Variants in DACH1 observed in about 807,000 individuals in gnomAD.
The protein encoded by DACH1 is dachshund family transcription factor 1.
A neutral mutation model predicts 54.2 loss-of-function variants in DACH1; 12 were observed. The ratio of observed to expected loss-of-function variants is 0.22; its 90% CI spans 0.14 to 0.36. The LOEUF (loss-of-function observed/expected upper bound fraction) is 0.36. Among genes scored for constraint, DACH1 ranks in the 10% least tolerant of loss-of-function variants. The pLI, the probability that DACH1 is intolerant of heterozygous loss-of-function variation, is 1.00. For synonymous variants in DACH1, 386 were observed against 366.2 expected (o/e 1.05, Z -0.62); for missense variants, 805 against 929.8 (o/e 0.87, Z 1.75).
At chr13:71,635,937 G>T (rs1161294719) in intron 2 of DACH1, among the ~76,000 whole-genome samples, 2 of 151,810 alleles carry the variant, frequency 1.3e-5, no homozygotes, top group African/African-American at 2.4e-5. Flanking sequence ...AACACCACCA[G>T]GTCTGGCTAA....
intron 10 of DACH1, among the ~76,000 whole-genome samples, chr13:71,451,993 T>C (rs1875102050): frequency 6.6e-6 from 1 of 152,228 alleles, no homozygotes; most frequent in East Asian, 1.9e-4. Context: ...GAAAATATTA[T>C]ATAGACAGAG....
chr13:71,519,346 G>T lies in DACH1; in HGVS notation c.1571-30198C>A, dbSNP rs189426038. On this transcript the variant is annotated intron_variant, in intron 6 of 10. Coordinates refer to ENST00000613252, the MANE Select transcript of DACH1 (RefSeq NM_080759.6). ...AAACTTTCAAACAAATCACAAGTGA[G>T]TTTTTGGCACCTAATCTGTTGGTAA... Among the ~76,000 whole-genome samples, 309 of 151,886 alleles carry T rather than the reference G, an allele frequency of 2.0e-3. 1 individual carries two copies. The highest frequency in any genetic ancestry group is 3.0e-3 in the Admixed American group (46 of 15,190).
chr13:71,645,513 G>A (rs1472333484), intron 2 of DACH1, among the ~76,000 whole-genome samples: 1 of 152,138 alleles, frequency 6.6e-6, no homozygotes, highest in Non-Finnish European at 1.5e-5. Context: ...AGTAACAAAA[G>A]CAGGTATCTC....
chr13:71,816,878 T>C (rs1382468810), intron 1 of DACH1, among the ~76,000 whole-genome samples: 1 of 151,610 alleles, frequency 6.6e-6, no homozygotes, highest in African/African-American at 2.4e-5. Flanking sequence ...CATGGACACA[T>C]AGAGGGAAAC....
chr13:71,466,360 C>T (rs1241001481), intron 10 of DACH1, among the ~76,000 whole-genome samples: 2 of 152,134 alleles, frequency 1.3e-5, no homozygotes, highest in African/African-American at 4.8e-5. Flanking sequence ...TTTATGCTAA[C>T]AAGACATTTA....
At chr13:71,497,603 A>G (rs1036881172) in intron 6 of DACH1, among the ~76,000 whole-genome samples, 1 of 152,048 alleles carries the variant, frequency 6.6e-6, no homozygotes. Context: ...AAGTGCTGGG[A>G]TTACAGGCGT....
chr13:71,848,725 A>C (rs956108148), intron 1 of DACH1, among the ~76,000 whole-genome samples: 1 of 151,950 alleles, frequency 6.6e-6, no homozygotes, highest in Non-Finnish European at 1.5e-5. Flanking sequence ...GGTTCTCACT[A>C]TGTTGCCCAG....
intron 6 of DACH1, among the ~76,000 whole-genome samples, chr13:71,496,277 A>G (rs1879411245): frequency 1.8e-5 from 2 of 108,368 alleles, no homozygotes; most frequent in Admixed American, 1.9e-4. Flanking sequence ...ATATATATAT[A>G]TATATATATA....
At chr13:71,499,122 C>T (rs564508322) in intron 6 of DACH1, among the ~76,000 whole-genome samples, 1 of 84,498 alleles carries the variant, frequency 1.2e-5, no homozygotes, top group African/African-American at 3.5e-5. Flanking sequence ...CACACACACA[C>T]ACACACACAC....
Position 71,439,591 on chromosome 13 carries a change from T to C in DACH1, c.*1064A>G, listed in dbSNP as rs555202307. ...CACAATCCATTCCCAATAGTGCAGC[T>C]TGGGGCACTAGCTAGGGTTCAATAT... is the stretch of plus-strand genomic sequence containing the variant. On this transcript the variant is annotated 3_prime_UTR_variant, in exon 11 of 11. Transcript: ENST00000613252. The C allele has an allele frequency of 3.3e-5, 5 of 152,552 alleles. No homozygotes were observed. Among genetic ancestry groups the C allele is most frequent in the African/African-American group, 7.2e-5 (3 of 41,560 alleles). 9.4% of individuals were successfully genotyped at this position (152,552 alleles called of 1,614,324 possible).
intron 6 of DACH1, among the ~76,000 whole-genome samples, chr13:71,556,082 C>G (rs1273085312): frequency 1.3e-5 from 2 of 152,006 alleles, no homozygotes; most frequent in African/African-American, 2.4e-5. Context: ...TGTGAGTAGT[C>G]TTTTTGGTGG....
At position 71,865,941 on chromosome 13, in the gene DACH1, T is replaced by C; in HGVS notation, c.829A>G (p.Asn277Asp). Reference sequence around the variant, plus strand: ...ACTCACCTTGCGTTGGTGCAGTCATTGTAGAGGGTCTCGAAGTCCTTCCTG... The same window carrying C: ...ACTCACCTTGCGTTGGTGCAGTCATCGTAGAGGGTCTCGAAGTCCTTCCTG... ...ISRKDFETLY[N>D]DCTNASSRPG... Residue 277 changes from asparagine to aspartate, a missense_variant, in exon 1 of 11, where the codon AAT (asparagine) becomes GAT (aspartate). Coordinates refer to ENST00000613252, the MANE Select transcript of DACH1 (RefSeq NM_080759.6). 3 of 1,613,058 alleles carry C rather than the reference T, an allele frequency of 1.9e-6. No individual in the cohort carries two copies. The highest frequency in any genetic ancestry group is 2.5e-6 in the Non-Finnish European group (3 of 1,179,550).
At chr13:71,822,046 C>T (rs147673616) in intron 1 of DACH1, among the ~76,000 whole-genome samples, 11 of 151,930 alleles carry the variant, frequency 7.2e-5, no homozygotes, top group Non-Finnish European at 5.9e-5. Flanking sequence ...GGCAACAGAG[C>T]GAGATTCCAT....
At chr13:71,451,978 C>T (rs1875100835) in intron 10 of DACH1, among the ~76,000 whole-genome samples, 2 of 152,102 alleles carry the variant, frequency 1.3e-5, no homozygotes, top group Non-Finnish European at 2.9e-5. Context: ...CTCTCAAATG[C>T]TTCAGAAAAT....
intron 3 of DACH1, among the ~76,000 whole-genome samples, chr13:71,574,560 AT>A (rs1289639650): frequency 6.6e-6 from 1 of 151,996 alleles, no homozygotes; most frequent in Admixed American, 6.6e-5. Context: ...TACTGCCATG[AT>A]TTTTTTCCAT....
chr13:71,667,731 A>G (rs1463944584), intron 2 of DACH1, among the ~76,000 whole-genome samples: 1 of 152,182 alleles, frequency 6.6e-6, no homozygotes, highest in Non-Finnish European at 1.5e-5. Context: ...TCTCCTTGGA[A>G]TAGTATCCTT....
At chr13:71,849,934 T>C (rs1334475384) in intron 1 of DACH1, among the ~76,000 whole-genome samples, 1 of 152,220 alleles carries the variant, frequency 6.6e-6, no homozygotes, top group Admixed American at 6.5e-5. Flanking sequence ...ACAATGTGTA[T>C]AACAGGAGTT....
chr13:71,844,277 T>A (rs1026492546), intron 1 of DACH1, among the ~76,000 whole-genome samples: 3 of 152,108 alleles, frequency 2.0e-5, no homozygotes, highest in Non-Finnish European at 4.4e-5. Flanking sequence ...TGAAATGACA[T>A]AAGGTCGTGC....
At chr13:71,661,036 T>C (rs539681900) in intron 2 of DACH1, among the ~76,000 whole-genome samples, 1 of 149,704 alleles carries the variant, frequency 6.7e-6, no homozygotes, top group South Asian at 2.2e-4. Context: ...TATAGAACAA[T>C]CTCATGTCCT....
Sources: gnomAD v4.1 joint callset for allele counts (sites outside exome capture counted in the v4.1 genomes callset) on GRCh38, gnomAD v4.1.1 for gene constraint, MANE v1.5 for transcripts, NCBI Gene and HGNC (gene_info 2026-07-23, HGNC 2026-07-21) for gene names.